SIL1: variants seen among roughly 807,000 people sequenced by gnomAD.
The protein encoded by SIL1 is nucleotide exchange factor SIL1.
A neutral mutation model predicts 49.1 loss-of-function variants in SIL1; 40 were observed. That is an observed-to-expected ratio of 0.81 (90% CI 0.63 to 1.06). SIL1 has a LOEUF of 1.06. Ranked by LOEUF, SIL1 falls within the 50% of genes least tolerant of loss-of-function variation. The probability of loss-of-function intolerance (pLI) is 0.00; values close to 1 mark genes in which losing one functional copy is unlikely to be tolerated. For missense variants in SIL1, 500 were observed against 572.6 expected (o/e 0.87, Z 1.29); for synonymous variants, 253 against 250.8 (o/e 1.01, Z -0.08).
At chr5:138,993,642 T>C (rs1045533295) in intron 7 of SIL1, among the ~76,000 whole-genome samples, 1 of 152,242 alleles carries the variant, frequency 6.6e-6, no homozygotes. Flanking sequence ...AGAAGCAGGC[T>C]GCCATGTTGT....
At chr5:138,966,140 G>A (rs921329059) in intron 7 of SIL1, among the ~76,000 whole-genome samples, 1 of 152,034 alleles carries the variant, frequency 6.6e-6, no homozygotes, top group African/African-American at 2.4e-5. Flanking sequence ...TTTTCAACAA[G>A]TTCAATATTG....
At chr5:139,003,653 T>C (rs1381796473) in intron 7 of SIL1, among the ~76,000 whole-genome samples, 1 of 152,060 alleles carries the variant, frequency 6.6e-6, no homozygotes, top group East Asian at 1.9e-4. Flanking sequence ...ATGATGAGCA[T>C]ATATATTATC....
chr5:139,030,516 A>G (rs1372702681), intron 5 of SIL1, among the ~76,000 whole-genome samples: 1 of 149,804 alleles, frequency 6.7e-6, no homozygotes, highest in Non-Finnish European at 1.5e-5. Flanking sequence ...ATGGTGGCAC[A>G]CACCTGTAGT....
chr5:139,048,141 A>T (rs373624704), intron 4 of SIL1, among the ~76,000 whole-genome samples: 1 of 152,040 alleles, frequency 6.6e-6, no homozygotes, highest in African/African-American at 2.4e-5. Flanking sequence ...TTTATTTTTT[A>T]TTTATATATT....
chr5:139,046,586 A>T (rs1328204514), intron 4 of SIL1, among the ~76,000 whole-genome samples: 1 of 152,050 alleles, frequency 6.6e-6, no homozygotes, highest in African/African-American at 2.4e-5. Context: ...TAACTCCTAA[A>T]CCTATAAACC....
At chr5:138,966,487 A>G (rs1286761404) in intron 7 of SIL1, among the ~76,000 whole-genome samples, 6 of 152,004 alleles carry the variant, frequency 3.9e-5, no homozygotes, top group Non-Finnish European at 8.8e-5. Context: ...TCCTCAGGCC[A>G]TTTCCCTCGG....
intron 1 of SIL1, among the ~76,000 whole-genome samples, chr5:139,196,212 C>T (rs949519624): frequency 6.6e-6 from 1 of 151,994 alleles, no homozygotes; most frequent in Non-Finnish European, 1.5e-5. Flanking sequence ...AATAATAATA[C>T]AGTATGGTTT....
At chr5:139,175,271 A>G (rs1751857635) in intron 1 of SIL1, among the ~76,000 whole-genome samples, 1 of 152,204 alleles carries the variant, frequency 6.6e-6, no homozygotes, top group Admixed American at 6.5e-5. Flanking sequence ...GCAGTGAGCA[A>G]GATCGCACCA....
At chr5:139,128,375 C>G (rs1750796152) in intron 1 of SIL1, among the ~76,000 whole-genome samples, 1 of 152,120 alleles carries the variant, frequency 6.6e-6, no homozygotes, top group South Asian at 2.1e-4. Flanking sequence ...AATAAAAGTA[C>G]AAGCCCCAGT....
chr5:139,191,497 T>G (rs1752170808), intron 1 of SIL1, among the ~76,000 whole-genome samples: 1 of 151,976 alleles, frequency 6.6e-6, no homozygotes, highest in African/African-American at 2.4e-5. Flanking sequence ...CCCACTGGTA[T>G]AGCTGGGCAT....
intron 3 of SIL1, among the ~76,000 whole-genome samples, chr5:139,068,470 A>G (rs1045319738): frequency 3.9e-5 from 6 of 152,314 alleles, no homozygotes; most frequent in African/African-American, 1.4e-4. Flanking sequence ...CTGAGAAAAT[A>G]CGGCTAGAAG....
intron 1 of SIL1, among the ~76,000 whole-genome samples, chr5:139,149,250 A>G (rs1048540752): frequency 8.5e-5 from 13 of 152,208 alleles, no homozygotes; most frequent in Admixed American, 1.3e-4. Flanking sequence ...CTGGAAAAAT[A>G]TATTTTTGCA....
intron 1 of SIL1, among the ~76,000 whole-genome samples, chr5:139,147,576 G>A (rs1261233748): frequency 6.6e-6 from 1 of 152,182 alleles, no homozygotes. Context: ...GAGGAGGAGA[G>A]CAATCAGCAA....
In SIL1 at chr5:139,021,274, G is replaced by A. The variant is rs1768521012; in HGVS notation, c.664C>T (p.Leu222=). Residue 222 remains leucine, a synonymous_variant, in exon 7 of 10, where the codon CTG becomes TTG. Coordinates refer to ENST00000394817, the MANE Select transcript of SIL1 (RefSeq NM_022464.5). ...YVHQMDNAQD[L]LSFGGLQVVI... is the part of the protein sequence containing the mutation. ...ACTTGAAGACCACCAAAGGAAAGCA[G>A]GTCCTGCGCATTGTCCATCTGCAAC... The A allele has an allele frequency of 1.9e-6, 3 of 1,614,000 alleles. No homozygotes were observed. The highest frequency in any genetic ancestry group is 1.7e-6 in the Non-Finnish European group (2 of 1,180,036).
chr5:139,160,000 A>G (rs912962265), intron 1 of SIL1, among the ~76,000 whole-genome samples: 1 of 152,188 alleles, frequency 6.6e-6, no homozygotes, highest in Non-Finnish European at 1.5e-5. Flanking sequence ...GCAGGCCATT[A>G]CCATCCCTGA....
chr5:139,106,629 C>G (rs899440593), intron 3 of SIL1, among the ~76,000 whole-genome samples: 11 of 152,024 alleles, frequency 7.2e-5, no homozygotes, highest in African/African-American at 1.4e-4. Flanking sequence ...GAATGAAAGA[C>G]TCTATACTTT....
Position 139,164,116 on chromosome 5 carries a change from C to CAAAA in SIL1, c.-11+34149_-11+34152dup, listed in dbSNP as rs397999400. On this transcript the variant is annotated intron_variant, in intron 1 of 9. Transcript: ENST00000394817. Reference sequence around the variant, plus strand: ...CCTGGGCAACAACAAGAGAATGTCTCAAAAAAAAAAAAAAAAAGATATTAT... The same window carrying CAAAA: ...CCTGGGCAACAACAAGAGAATGTCTCAAAAAAAAAAAAAAAAAAAAAGATATTAT... Among the ~76,000 whole-genome samples, 226 of 114,636 alleles carry CAAAA rather than the reference C, an allele frequency of 2.0e-3. 2 individuals carry two copies. The highest frequency in any genetic ancestry group is 6.6e-3 in the African/African-American group (206 of 31,108). The allele number at this position is 114,636 out of a possible 152,430, so 75.2% of individuals were successfully genotyped here. A position where few individuals can be genotyped will look rare whatever the true frequency, so the allele number is the denominator to read the frequency against.
chr5:138,978,610 A>G (rs1767443315), intron 7 of SIL1, among the ~76,000 whole-genome samples: 2 of 152,352 alleles, frequency 1.3e-5, no homozygotes, highest in African/African-American at 4.8e-5. Flanking sequence ...TTGAAGAACT[A>G]GTAGTGTTTT....
At chr5:139,023,102 A>C (rs1768565327) in intron 6 of SIL1, among the ~76,000 whole-genome samples, 1 of 152,254 alleles carries the variant, frequency 6.6e-6, no homozygotes, top group Non-Finnish European at 1.5e-5. Context: ...ATGATAATTC[A>C]GCATGATAGA....
Sources: allele counts gnomAD v4.1 joint callset (sites outside exome capture counted in the v4.1 genomes callset), GRCh38; gene constraint gnomAD v4.1.1; transcripts MANE v1.5; gene names NCBI Gene and HGNC (gene_info 2026-07-23, HGNC 2026-07-21).